Variants in TENM2 observed in about 807,000 individuals in gnomAD.
TENM2 encodes teneurin transmembrane protein 2.
In TENM2, 52 loss-of-function variants were observed where a neutral mutation model predicts 245.2. The ratio of observed to expected loss-of-function variants is 0.21; its 90% CI spans 0.17 to 0.27. The LOEUF (loss-of-function observed/expected upper bound fraction) is 0.27. TENM2 is among the 10% of genes least tolerant of loss of function. TENM2 has a pLI of 1.00. For missense variants in TENM2, 3,046 were observed against 3,666.8 expected, an observed-to-expected ratio of 0.83 and a Z score of 4.37; for synonymous variants, 1,363 against 1,438.9, an observed-to-expected ratio of 0.95 and a Z score of 1.19.
chr5:167,982,342 C>A (rs75903975), intron 4 of TENM2, among the ~76,000 whole-genome samples: 57 of 152,326 alleles, frequency 3.7e-4, no homozygotes, highest in Non-Finnish European at 5.1e-4. Flanking sequence ...TAAGAACTTA[C>A]TCATCAATGC....
chr5:167,826,798 T>C (rs559041164), intron 2 of TENM2, among the ~76,000 whole-genome samples: 1 of 152,362 alleles, frequency 6.6e-6, no homozygotes, highest in African/African-American at 2.4e-5. Context: ...ACCTCCCTGA[T>C]ATCCCAGCCA....
intron 2 of TENM2, among the ~76,000 whole-genome samples, chr5:167,665,186 G>A (rs1755488871): frequency 6.6e-6 from 1 of 152,170 alleles, no homozygotes; most frequent in South Asian, 2.1e-4. Context: ...GACAAGGGCA[G>A]TGACTGTAGG....
intron 26 of TENM2, 96 bp from the exon 29 acceptor site, chr5:168,246,661 A>T: frequency 8.3e-7 from 1 of 1,208,912 alleles, no homozygotes; most frequent in Non-Finnish European, 1.2e-6. Flanking sequence ...ATGACTTTTG[A>T]GTTGACATTT....
chr5:168,161,556 C>G (rs1461797594), intron 12 of TENM2, among the ~76,000 whole-genome samples: 1 of 152,116 alleles, frequency 6.6e-6, no homozygotes, highest in Non-Finnish European at 1.5e-5. Context: ...GGAATTCTTG[C>G]CAGCACGTAG....
At chr5:167,834,365 C>T (rs1396823826) in intron 2 of TENM2, among the ~76,000 whole-genome samples, 1 of 152,186 alleles carries the variant, frequency 6.6e-6, no homozygotes, top group South Asian at 2.1e-4. Flanking sequence ...GACACAAGTC[C>T]AATGAATGGT....
intron 2 of TENM2, among the ~76,000 whole-genome samples, chr5:167,552,478 A>G (rs1381466632): frequency 6.6e-6 from 1 of 152,190 alleles, no homozygotes; most frequent in Non-Finnish European, 1.5e-5. Context: ...TCAAGGCTGA[A>G]TGCCACTGAG....
At position 167,417,727 on chromosome 5, in the gene TENM2, T is replaced by A. The variant is rs146482068; in HGVS notation, c.502+42254T>A. Among the ~76,000 whole-genome samples the A allele has an allele frequency of 1.4e-3, 210 of 152,236 alleles. 1 individual carries two copies. Among genetic ancestry groups the A allele is most frequent in the African/African-American group, 4.6e-3 (193 of 41,558 alleles). ...CAACTTGCCCACCAAAGTGAAGGTG[T>A]AAGAGGAAGAGCCAGGGCCCAAAAG... On this transcript the variant is annotated intron_variant, in intron 2 of 28. Coordinates refer to ENST00000518659, the Ensembl canonical transcript of TENM2.
chr5:168,247,059 C>T lies in TENM2; in HGVS notation c.6120C>T (p.Phe2040=), dbSNP rs760087310. Residue 2040 remains phenylalanine (F), a synonymous_variant, in exon 27 of 29, where the codon TTC becomes TTT. Coordinates refer to ENST00000518659, the Ensembl canonical transcript of TENM2. The surrounding 1 kb of genome is among the most constrained non-coding windows in gnomAD (Gnocchi z 7.8). ...TCTACGACAGTACCGCCGTCACCTT[C>T]GGGTATGACGAGACCACTGGTGTCT... The T allele has an allele frequency of 3.7e-5, 59 of 1,613,806 alleles. No homozygotes were observed. The highest frequency in any genetic ancestry group is 1.6e-4 in the Middle Eastern group (1 of 6,084).
intron 2 of TENM2, among the ~76,000 whole-genome samples, chr5:167,855,834 A>G (rs373071375): frequency 1.6e-3 from 109 of 69,150 alleles, no homozygotes; most frequent in African/African-American, 1.9e-3. Context: ...AGGGAGGGAG[A>G]GAGGGAGGGA....
At chr5:167,538,037 A>G (rs1771961016) in intron 2 of TENM2, among the ~76,000 whole-genome samples, 2 of 152,226 alleles carry the variant, frequency 1.3e-5, no homozygotes, top group Admixed American at 6.5e-5. Context: ...GGAGTTTCTA[A>G]TCAGGAGACA....
At chr5:167,037,019 A>G in the TENM2 span, among the ~76,000 whole-genome samples, 1 of 152,208 alleles carries the variant, frequency 6.6e-6, no homozygotes, top group Admixed American at 6.5e-5. Context: ...ATATTTTGCC[A>G]TTTAAATTCT....
rs562485313 is a variant in TENM2, at chr5:168,224,987, G to A, written c.5109-1101G>A. 1.8e-4 allele frequency among the ~76,000 whole-genome samples: 28 copies of A among 152,268 alleles called. No homozygotes were observed. The South Asian group carries it at 3.7e-3, about 20-fold the overall frequency. ...AGGTGATGTGGGGAGAAAACTCCAC[G>A]GTGTGAGAAAAGAGGAAAGACGACA... is the stretch of plus-strand genomic sequence containing the variant. On this transcript the variant is annotated intron_variant, in intron 23 of 28. Transcript: ENST00000518659.
At chr5:167,331,945 A>G (rs546756120) in intron 1 of TENM2, among the ~76,000 whole-genome samples, 100 of 152,314 alleles carry the variant, frequency 6.6e-4, no homozygotes, top group African/African-American at 2.3e-3. Context: ...AAATCAAGAT[A>G]GCATTTAGTG....
chr5:168,078,801 G>C (rs1194464942), intron 7 of TENM2, among the ~76,000 whole-genome samples: 2 of 152,054 alleles, frequency 1.3e-5, no homozygotes, highest in African/African-American at 4.8e-5. Context: ...CTCTGTTTTG[G>C]TACCAGTACC....
At chr5:167,587,216 A>G (rs970247440) in intron 2 of TENM2, among the ~76,000 whole-genome samples, 4 of 152,088 alleles carry the variant, frequency 2.6e-5, no homozygotes, top group Admixed American at 6.6e-5. Context: ...CTTTCTTTCT[A>G]TATCTTTAAG....
intron 1 of TENM2, among the ~76,000 whole-genome samples, chr5:167,313,742 G>C (rs1335150961): frequency 6.6e-6 from 1 of 152,128 alleles, no homozygotes; most frequent in Non-Finnish European, 1.5e-5. Context: ...CTGCCTCTAT[G>C]TAGACTCAGT....
At chr5:167,380,099 C>A (rs1761011138) in intron 2 of TENM2, among the ~76,000 whole-genome samples, 1 of 151,984 alleles carries the variant, frequency 6.6e-6, no homozygotes, top group Admixed American at 6.6e-5. Context: ...GACACAGACA[C>A]AAAATATCAT....
intron 1 of TENM2, among the ~76,000 whole-genome samples, chr5:167,295,270 A>G (rs1321443420): frequency 6.6e-6 from 1 of 152,232 alleles, no homozygotes; most frequent in African/African-American, 2.4e-5. Context: ...TGAAATGCCA[A>G]CTTACAACTT....
intron 3 of TENM2, among the ~76,000 whole-genome samples, chr5:167,946,391 A>G (rs1412804259): frequency 6.6e-6 from 1 of 152,092 alleles, no homozygotes; most frequent in Non-Finnish European, 1.5e-5. Context: ...CAGTGAAGGA[A>G]GTTTGGGGAG....
Sources: gnomAD v4.1 joint callset for allele counts (sites outside exome capture counted in the v4.1 genomes callset) on GRCh38, gnomAD v4.1.1 for gene constraint, Gnocchi (gnomAD v3.1) non-coding constraint, MANE v1.5 for transcripts, NCBI Gene and HGNC (gene_info 2026-07-23, HGNC 2026-07-21) for gene names.